Variants in CTBP2 observed in about 807,000 individuals in gnomAD.
CTBP2 encodes C-terminal binding protein 2.
CTBP2 carries 30 observed loss-of-function variants against 80.3 expected under a neutral mutation model. The observed-to-expected ratio is 0.37, with a 90% confidence interval of 0.28 to 0.51. The LOEUF is 0.51. Among genes scored for constraint, CTBP2 ranks in the 20% least tolerant of loss-of-function variants. CTBP2 has a pLI of 0.93. For synonymous variants in CTBP2, 594 were observed against 587.4 expected, an observed-to-expected ratio of 1.01 and a Z score of -0.16; for missense variants, 1,212 against 1,375.3, an observed-to-expected ratio of 0.88 and a Z score of 1.88.
intron 1 of CTBP2, among the ~76,000 whole-genome samples, chr10:125,132,225 G>C (rs988207192): frequency 2.0e-5 from 3 of 152,012 alleles, no homozygotes; most frequent in Admixed American, 6.5e-5. Context: ...TGCAAAAACA[G>C]GTTCATGTTC....
At chr10:125,055,659 C>A (rs568555321) in intron 2 of CTBP2, among the ~76,000 whole-genome samples, 30 of 152,136 alleles carry the variant, frequency 2.0e-4, no homozygotes, top group Non-Finnish European at 4.0e-4. Flanking sequence ...ATCCCCGAAC[C>A]ACACTCCAAG....
chr10:125,035,712 T>C lies in CTBP2; in HGVS notation c.58+3285A>G, dbSNP rs905774184. On this transcript the variant is annotated intron_variant, in intron 3 of 10. Transcript: ENST00000337195. Reference sequence around the variant, plus strand: ...GAGTGATTGTTAGCTAGCCCTCATTTCCAACCAATAGATGTTTGGGGCAAA... The same window carrying C: ...GAGTGATTGTTAGCTAGCCCTCATTCCCAACCAATAGATGTTTGGGGCAAA... Among the ~76,000 whole-genome samples the C allele has an allele frequency of 5.3e-5, 8 of 152,220 alleles. 1 individual carries two copies. The South Asian group carries it at 1.7e-3, about 32-fold the overall frequency.
Position 125,026,324 on chromosome 10 carries a change from G to A in CTBP2, c.1436C>T (p.Ala479Val). 6.2e-7 allele frequency: 1 copy of A among 1,613,908 alleles called. No homozygotes were observed. The highest frequency in any genetic ancestry group is 8.5e-7 in the Non-Finnish European group (1 of 1,179,976). Reference sequence around the variant, plus strand: ...GGGCACCGTGTATGCCGTGGAGTAGGCTGTTCTGGGGCCTGGGTGAAGGGG... The same window carrying A: ...GGGCACCGTGTATGCCGTGGAGTAGACTGTTCTGGGGCCTGGGTGAAGGGG... Residue 479 changes from alanine to valine, a missense_variant, in exon 1 of 9, where the codon GCC becomes GTC. Coordinates refer to ENST00000309035, the MANE Select transcript of CTBP2 (RefSeq NM_022802.3).
At chr10:125,081,971 G>A (rs772441503) in intron 2 of CTBP2, among the ~76,000 whole-genome samples, 13 of 151,706 alleles carry the variant, frequency 8.6e-5, no homozygotes, top group Non-Finnish European at 1.8e-4. Context: ...CCAAACCCCA[G>A]GCCAGCATGG....
intron 8 of CTBP2, among the ~76,000 whole-genome samples, chr10:124,991,540 C>G (rs1194601772): frequency 6.6e-6 from 1 of 152,188 alleles, no homozygotes; most frequent in Non-Finnish European, 1.5e-5. Flanking sequence ...ATAGCTTCTT[C>G]AAGAGTGTCA....
intron 2 of CTBP2, among the ~76,000 whole-genome samples, chr10:125,054,029 A>G (rs1313403878): frequency 6.6e-6 from 1 of 152,032 alleles, no homozygotes. Context: ...GCGTGCCCAC[A>G]AAACAGTAGA....
rs956065483 is a variant in CTBP2, at chr10:124,984,706, T to C, written c.*4812A>G. 4.0e-6 allele frequency: 6 copies of C among 1,504,706 alleles called. No individual in the cohort carries two copies. The Admixed American group carries it at 9.4e-5, about 23-fold the overall frequency. 93.2% of individuals were successfully genotyped at this position (1,504,706 alleles called of 1,614,324 possible). A position where few individuals can be genotyped will look rare whatever the true frequency, so the allele number is the denominator to read the frequency against. On this transcript the variant is annotated 3_prime_UTR_variant, in exon 9 of 9. Coordinates refer to ENST00000309035, the MANE Select transcript of CTBP2 (RefSeq NM_022802.3). ...TTAGCATACCAGCTGTAGGTTTCCA[T>C]GTCACATTCCTACCAAGTCTCTGAT...
chr10:125,025,383 A>G (rs935680120), intron 1 of CTBP2, among the ~76,000 whole-genome samples: 5 of 152,244 alleles, frequency 3.3e-5, no homozygotes, highest in Non-Finnish European at 7.3e-5. Context: ...TGTTGTGAAG[A>G]AAACCACCTA....
chr10:125,159,740 G>T (rs1861614521), intron 1 of CTBP2: 1 of 147,838 alleles, frequency 6.8e-6, no homozygotes, highest in South Asian at 2.1e-4. Flanking sequence ...GTAGGCGCAA[G>T]GCCCGCCGCA....
intron 1 of CTBP2, among the ~76,000 whole-genome samples, chr10:125,021,378 G>A (rs1380731620): frequency 1.3e-5 from 2 of 152,132 alleles, no homozygotes; most frequent in East Asian, 1.9e-4. Context: ...GCACTCCTTC[G>A]GGCCATGCAT....
upstream of CTBP2, chr10:125,032,638 G>C (rs370112488): frequency 6.5e-6 from 1 of 153,756 alleles, no homozygotes; most frequent in Admixed American, 6.5e-5. Context: ...GGAGCGGAGC[G>C]CACCCCTCCC....
chr10:125,131,402 G>A (rs1856159259), intron 1 of CTBP2, among the ~76,000 whole-genome samples: 1 of 152,204 alleles, frequency 6.6e-6, no homozygotes, highest in Non-Finnish European at 1.5e-5. Flanking sequence ...ATTTGGGTAG[G>A]TGTGAGGCCC....
chr10:125,044,473 A>G (rs950984076), intron 2 of CTBP2, among the ~76,000 whole-genome samples: 3 of 152,242 alleles, frequency 2.0e-5, no homozygotes, highest in Admixed American at 6.5e-5. Context: ...AGGCCACCTC[A>G]AAAGAGCACA....
intron 3 of CTBP2, chr10:125,000,200 T>C (rs979826747): frequency 6.6e-6 from 1 of 151,546 alleles, no homozygotes; most frequent in Non-Finnish European, 1.5e-5. Flanking sequence ...CTGCCTGGGA[T>C]GGCAGAACCT....
At position 125,003,554 on chromosome 10, in the gene CTBP2, G is replaced by C. The variant is rs182939420; in HGVS notation, c.1679-62C>G. The C allele has an allele frequency of 3.5e-3, 4,764 of 1,345,420 alleles. 134 individuals carry two copies. The highest frequency in any genetic ancestry group is 1.0e-3 in the Non-Finnish European group (1,016 of 991,880). 83.3% of individuals were successfully genotyped at this position (1,345,420 alleles called of 1,614,324 possible). A position where few individuals can be genotyped will look rare whatever the true frequency, so the allele number is the denominator to read the frequency against. ...GGCTGGGGCCACAGGGTGCGTGGAG[G>C]GGCAGCTCCCCACTCATCACTCAGG... On this transcript the variant is annotated intron_variant, in intron 1 of 8. Transcript: ENST00000309035.
intron 2 of CTBP2, among the ~76,000 whole-genome samples, chr10:125,076,484 G>A (rs1177370822): frequency 1.1e-4 from 17 of 152,182 alleles, no homozygotes; most frequent in Admixed American, 1.1e-3. Context: ...TCACCACTCA[G>A]CTCTTTCCCC....
chr10:125,013,458 C>T (rs1287185313), intron 1 of CTBP2, among the ~76,000 whole-genome samples: 1 of 152,208 alleles, frequency 6.6e-6, no homozygotes, highest in Non-Finnish European at 1.5e-5. Flanking sequence ...GTTTTCAATA[C>T]TTTATTGCAG....
At chr10:125,009,647 C>T (rs1395664655) in intron 1 of CTBP2, among the ~76,000 whole-genome samples, 2 of 152,208 alleles carry the variant, frequency 1.3e-5, no homozygotes, top group Non-Finnish European at 2.9e-5. Context: ...GGCCTGCTAA[C>T]AGTGTTATTT....
chr10:125,003,426 C>T lies in CTBP2; in HGVS notation c.1745G>A (p.Arg582His). The change falls in exon 2 of 9, where the codon CGC becomes CAC. Residue 582 changes from arginine (R) to histidine (H), a missense_variant. Arg to His is a conservative substitution (Grantham distance 29). Coordinates refer to ENST00000309035, the MANE Select transcript of CTBP2 (RefSeq NM_022802.3). ...GATGGGCATCTCCACAGTGCAGTCGCGGCCGTCCAGCAGCGCCACCAGGGG... is the reference window on the plus strand; with the variant it reads ...GATGGGCATCTCCACAGTGCAGTCGTGGCCGTCCAGCAGCGCCACCAGGGG... 1 of 1,589,392 alleles carries T rather than the reference C, an allele frequency of 6.3e-7. No individual in the cohort carries two copies. Among genetic ancestry groups the T allele is most frequent in the Non-Finnish European group, 8.5e-7 (1 of 1,172,456 alleles).
Sources: allele counts gnomAD v4.1 joint callset (sites outside exome capture counted in the v4.1 genomes callset), GRCh38; gene constraint gnomAD v4.1.1; transcripts MANE v1.5; gene names NCBI Gene and HGNC (gene_info 2026-07-23, HGNC 2026-07-21).